The following CD226 variants were observed in gnomAD, a reference collection of about 807,000 sequenced individuals.
The protein encoded by CD226 is CD226 molecule.
In CD226, 24 loss-of-function variants were observed where a neutral mutation model predicts 34.9. The ratio of observed to expected loss-of-function variants is 0.69; its 90% CI spans 0.50 to 0.97. The LOEUF (loss-of-function observed/expected upper bound fraction) is 0.97. CD226 is among the 50% of genes least tolerant of loss of function. CD226 has a pLI of 0.00. For synonymous variants in CD226, 148 were observed against 147.4 expected, an observed-to-expected ratio of 1.00 and a Z score of -0.03; for missense variants, 397 against 412.7, an observed-to-expected ratio of 0.96 and a Z score of 0.33.
rs1982654339 is a variant in CD226 at position 69,857,793 on chromosome 18, T to C, written c.*6521A>G. ...ATTTGACCACAGGTAGAAGATTGGC[T>C]CTGCTTTCTTCCTGTAATAATATTG... On this transcript the variant is annotated 3_prime_UTR_variant, in exon 6 of 6. Coordinates refer to ENST00000582621, the MANE Select transcript of CD226 (RefSeq NM_001303618.2). 1 of 152,212 alleles carries C rather than the reference T, an allele frequency of 6.6e-6. No homozygotes were observed. The highest frequency in any genetic ancestry group is 1.5e-5 in the Non-Finnish European group (1 of 68,030). 9.4% of individuals were successfully genotyped at this position (152,212 alleles called of 1,614,324 possible).
intron 3 of CD226, among the ~76,000 whole-genome samples, chr18:69,890,649 T>A (rs189776081): frequency 4.5e-4 from 69 of 152,240 alleles, no homozygotes; most frequent in Admixed American, 3.1e-3. Context: ...GCAAATGTGA[T>A]GGAAACTTAG....
At chr18:69,914,052 C>T (rs1024732477) in intron 2 of CD226, among the ~76,000 whole-genome samples, 1 of 152,152 alleles carries the variant, frequency 6.6e-6, no homozygotes, top group Admixed American at 6.5e-5. Context: ...AGCTGTCTCA[C>T]TGTGATCATA....
At chr18:69,954,809 A>G (rs1013524330) in intron 1 of CD226, among the ~76,000 whole-genome samples, 1 of 152,180 alleles carries the variant, frequency 6.6e-6, no homozygotes, top group African/African-American at 2.4e-5. Flanking sequence ...AGCTGAAGAC[A>G]AAGTCCAGCT....
chr18:69,857,855 T>A lies in CD226; in HGVS notation c.*6459A>T, dbSNP rs1599361888. 1.3e-5 allele frequency: 2 copies of A among 152,224 alleles called. No homozygotes were observed. Among genetic ancestry groups the A allele is most frequent in the African/African-American group, 4.8e-5 (2 of 41,466 alleles). 9.4% of individuals were successfully genotyped at this position (152,224 alleles called of 1,614,324 possible). A position where few individuals can be genotyped will look rare whatever the true frequency, so the allele number is the denominator to read the frequency against. On this transcript the variant is annotated 3_prime_UTR_variant, in exon 6 of 6. Coordinates refer to ENST00000582621, the MANE Select transcript of CD226 (RefSeq NM_001303618.2). ...TCAAATGATACACAGTATAATTTTGTGGCATTTTGATTACAAGTTTTCCAT... is the reference window on the plus strand; with the variant it reads ...TCAAATGATACACAGTATAATTTTGAGGCATTTTGATTACAAGTTTTCCAT...
At position 69,918,796 on chromosome 18, in the gene CD226, T is replaced by C. The variant is rs139056305; in HGVS notation, c.383-22751A>G. Among the ~76,000 whole-genome samples, 62 of 152,276 alleles carry C rather than the reference T, an allele frequency of 4.1e-4. No individual in the cohort carries two copies. In the South Asian group the frequency reaches 9.5e-3, roughly 23 times the overall value. On this transcript the variant is annotated intron_variant, in intron 2 of 5. Coordinates refer to ENST00000582621, the MANE Select transcript of CD226 (RefSeq NM_001303618.2). ...CATCAGCAGGCATCCAGGGCACTTA[T>C]AGACACCCCTGTGCAAATAGGGGAG...
chr18:69,930,061 G>A (rs2055570720), intron 2 of CD226, among the ~76,000 whole-genome samples: 1 of 152,108 alleles, frequency 6.6e-6, no homozygotes, highest in South Asian at 2.1e-4. Context: ...TGGGACTGGA[G>A]AAGAGTCCAA....
intron 3 of CD226, among the ~76,000 whole-genome samples, chr18:69,894,710 C>T (rs1026533791): frequency 1.3e-5 from 2 of 150,516 alleles, no homozygotes; most frequent in Non-Finnish European, 3.0e-5. Context: ...TTTTCTCTTC[C>T]GTGTCCCGAC....
intron 2 of CD226, among the ~76,000 whole-genome samples, chr18:69,909,483 A>G (rs1431073620): frequency 2.6e-5 from 4 of 152,236 alleles, no homozygotes; most frequent in African/African-American, 9.6e-5. Flanking sequence ...AAAGATCAAC[A>G]GTATTTCTCA....
At chr18:69,928,193 C>A (rs1010557067) in intron 2 of CD226, among the ~76,000 whole-genome samples, 1 of 152,206 alleles carries the variant, frequency 6.6e-6, no homozygotes, top group Non-Finnish European at 1.5e-5. Flanking sequence ...TACTCATAGG[C>A]AGCTGTTCTA....
chr18:69,879,311 A>G (rs1022342041), intron 3 of CD226, among the ~76,000 whole-genome samples: 1 of 152,146 alleles, frequency 6.6e-6, no homozygotes, highest in Non-Finnish European at 1.5e-5. Context: ...AGGCCAGGGC[A>G]TGTTTCATCC....
intron 5 of CD226, 21 bp downstream of exon 5, chr18:69,867,336 G>T: frequency 6.5e-7 from 1 of 1,536,522 alleles, no homozygotes; most frequent in Non-Finnish European, 9.0e-7. Flanking sequence ...AGAAAAAAAT[G>T]ACAGTTCCGT....
At chr18:69,930,748 A>G (rs1209199383) in intron 2 of CD226, among the ~76,000 whole-genome samples, 2 of 152,172 alleles carry the variant, frequency 1.3e-5, no homozygotes, top group Non-Finnish European at 2.9e-5. Context: ...GAGTAGTTCT[A>G]AGCACAAATC....
At chr18:69,942,642 T>C (rs1323863630) in intron 2 of CD226, among the ~76,000 whole-genome samples, 1 of 152,206 alleles carries the variant, frequency 6.6e-6, no homozygotes, top group African/African-American at 2.4e-5. Flanking sequence ...TATCATAAGC[T>C]GAGCCCCTTT....
chr18:69,925,012 T>C (rs1466255283), intron 2 of CD226, among the ~76,000 whole-genome samples: 1 of 152,188 alleles, frequency 6.6e-6, no homozygotes, highest in Non-Finnish European at 1.5e-5. Flanking sequence ...ATAAGCAACA[T>C]ATATTACTTT....
At chr18:69,933,140 C>T (rs1448082540) in intron 2 of CD226, among the ~76,000 whole-genome samples, 12 of 152,166 alleles carry the variant, frequency 7.9e-5, no homozygotes, top group Admixed American at 7.9e-4. Context: ...TCCTATCTGC[C>T]TGCTTTTGTG....
intron 2 of CD226, among the ~76,000 whole-genome samples, chr18:69,904,733 A>C (rs2055230551): frequency 6.6e-6 from 1 of 152,208 alleles, no homozygotes; most frequent in South Asian, 2.1e-4. Context: ...TAGGTAGTAC[A>C]TCTCTGAGGT....
chr18:69,872,257 T>G (rs1163576365), intron 4 of CD226, among the ~76,000 whole-genome samples: 4 of 152,074 alleles, frequency 2.6e-5, no homozygotes, highest in Non-Finnish European at 5.9e-5. Flanking sequence ...TAATACATTA[T>G]AAGGAATAAT....
upstream of CD226, among the ~76,000 whole-genome samples, chr18:69,957,554 G>A (rs1199600505): frequency 6.6e-6 from 1 of 152,130 alleles, no homozygotes; most frequent in African/African-American, 2.4e-5. Flanking sequence ...CCACCATGAA[G>A]GATTGTGGCT....
intron 3 of CD226, among the ~76,000 whole-genome samples, chr18:69,882,029 T>C (rs1984294058): frequency 6.6e-6 from 1 of 152,250 alleles, no homozygotes; most frequent in Admixed American, 6.5e-5. Flanking sequence ...TAAAGGGCCA[T>C]GGCTTCAACC....
Sources: allele counts gnomAD v4.1 joint callset (sites outside exome capture counted in the v4.1 genomes callset), GRCh38; gene constraint gnomAD v4.1.1; transcripts MANE v1.5; gene names NCBI Gene and HGNC (gene_info 2026-07-23, HGNC 2026-07-21).